BUB1B: variants seen among roughly 807,000 people sequenced by gnomAD.
BUB1B encodes BUB1 mitotic checkpoint serine/threonine kinase B.
Under a neutral mutation model 137.7 loss-of-function variants are expected in BUB1B, and 86 were observed. The observed-to-expected ratio is 0.62, with a 90% confidence interval of 0.52 to 0.75. The LOEUF (loss-of-function observed/expected upper bound fraction) is 0.75, where lower values mean the gene tolerates loss of function less well. Ranked by LOEUF, BUB1B falls within the 30% of genes least tolerant of loss-of-function variation. The pLI, the probability that BUB1B is intolerant of heterozygous loss-of-function variation, is 0.00. For missense variants in BUB1B, 1,130 were observed against 1,236.9 expected, an observed-to-expected ratio of 0.91 and a Z score of 1.30; for synonymous variants, 420 against 417.9, an observed-to-expected ratio of 1.00 and a Z score of -0.06.
At chr15:40,178,498 T>C (rs774739423) in intron 5 of BUB1B, among the ~76,000 whole-genome samples, 1 of 152,174 alleles carries the variant, frequency 6.6e-6, no homozygotes, top group Non-Finnish European at 1.5e-5. Flanking sequence ...TTTATCTTGG[T>C]GAATGCTTCA....
intron 4 of BUB1B, among the ~76,000 whole-genome samples, chr15:40,172,786 A>G (rs1361872718): frequency 6.6e-6 from 1 of 152,202 alleles, no homozygotes; most frequent in Non-Finnish European, 1.5e-5. Context: ...CATTCGACAA[A>G]TATTTTTACA....
At chr15:40,211,941 G>A (rs1174934224) in intron 18 of BUB1B, among the ~76,000 whole-genome samples, 2 of 152,092 alleles carry the variant, frequency 1.3e-5, no homozygotes, top group Non-Finnish European at 2.9e-5. Flanking sequence ...TCCTGTCTCA[G>A]CCTCCCGCGT....
In BUB1B at chr15:40,204,944, C is replaced by CT. The variant is rs11333364; in HGVS notation, c.1735-1220dup. On this transcript the variant is annotated intron_variant, in intron 14 of 22. Transcript: ENST00000287598. ...TGTGAGCAAATGTACCTGGCCAAAT[C>CT]TTTTTTTTTTTTTTTTTTTTGAGAC... Among the ~76,000 whole-genome samples, 305 of 94,758 alleles carry CT rather than the reference C, an allele frequency of 3.2e-3. 2 individuals carry two copies. Among genetic ancestry groups the CT allele is most frequent in the East Asian group, 6.9e-3 (27 of 3,894 alleles). The allele number at this position is 94,758 out of a possible 152,430, so 62.2% of individuals were successfully genotyped here.
chr15:40,162,341 A>G (rs900685501), intron 1 of BUB1B, among the ~76,000 whole-genome samples: 3 of 152,216 alleles, frequency 2.0e-5, no homozygotes, highest in Non-Finnish European at 4.4e-5. Flanking sequence ...GATTGTAAGG[A>G]CTTAGCTTTT....
chr15:40,188,957 T>C lies in BUB1B; in HGVS notation c.1058+3315T>C, dbSNP rs150125512. ...CGTGGCTTTTAGTATGTTCACAGAGTTGTGCAACCCTTACCACAATCAATT... is the reference window on the plus strand; with the variant it reads ...CGTGGCTTTTAGTATGTTCACAGAGCTGTGCAACCCTTACCACAATCAATT... On this transcript the variant is annotated intron_variant, in intron 8 of 22. Coordinates refer to ENST00000287598, the MANE Select transcript of BUB1B (RefSeq NM_001211.6). Among the ~76,000 whole-genome samples, 401 of 151,910 alleles carry C rather than the reference T, an allele frequency of 2.6e-3. 8 individuals are homozygous for C. The highest frequency in any genetic ancestry group is 0.021 in the Admixed American group (316 of 15,238).
At chr15:40,180,017 G>T (rs1190956269) in intron 5 of BUB1B, among the ~76,000 whole-genome samples, 1 of 149,914 alleles carries the variant, frequency 6.7e-6, no homozygotes, top group East Asian at 1.9e-4. Context: ...AAAATAGTCT[G>T]TTGTGTTTAC....
At chr15:40,166,403 G>C (rs745413760) in intron 2 of BUB1B, 2 of 416,200 alleles carry the variant, frequency 4.8e-6, no homozygotes, top group South Asian at 3.4e-5. Context: ...GCAGTGGCAC[G>C]ATCTTGGCTC....
chr15:40,177,040 C>T (rs184780304), intron 5 of BUB1B, among the ~76,000 whole-genome samples: 6 of 152,264 alleles, frequency 3.9e-5, no homozygotes, highest in Non-Finnish European at 5.9e-5. Context: ...TAAATGGAAT[C>T]GTATAATATA....
intron 3 of BUB1B, among the ~76,000 whole-genome samples, chr15:40,170,330 C>T (rs978147562): frequency 2.6e-5 from 4 of 152,168 alleles, no homozygotes; most frequent in Admixed American, 6.5e-5. Context: ...TTGAACTACA[C>T]CCTTCTATCC....
intron 9 of BUB1B, among the ~76,000 whole-genome samples, chr15:40,197,912 G>A (rs1412051322): frequency 1.3e-5 from 2 of 152,082 alleles, no homozygotes; most frequent in African/African-American, 4.8e-5. Flanking sequence ...AGGCTAGGAG[G>A]GTGGCCAAAT....
intron 22 of BUB1B, 58 bp downstream of exon 22, chr15:40,218,620 G>T: frequency 4.7e-6 from 6 of 1,286,348 alleles, no homozygotes; most frequent in Non-Finnish European, 6.8e-6. Context: ...TGTTTCTCTT[G>T]GGTGCTATCT....
chr15:40,188,709 A>C (rs2037399589), intron 8 of BUB1B, among the ~76,000 whole-genome samples: 1 of 150,454 alleles, frequency 6.6e-6, no homozygotes. Context: ...CAGCCACCCG[A>C]GTAGCTGGCA....
chr15:40,183,407 A>G (rs1189659867), intron 5 of BUB1B, among the ~76,000 whole-genome samples: 1 of 152,222 alleles, frequency 6.6e-6, no homozygotes, highest in African/African-American at 2.4e-5. Flanking sequence ...TAATCTTAAT[A>G]AACTCTGTGA....
chr15:40,200,491 A>C (rs1013792877), intron 11 of BUB1B, 132 bp downstream of exon 11: 1 of 679,478 alleles, frequency 1.5e-6, no homozygotes, highest in Non-Finnish European at 2.6e-6. Flanking sequence ...CTCTGTCACA[A>C]CATAAGCTTT....
At chr15:40,181,588 A>C (rs908702846) in intron 5 of BUB1B, among the ~76,000 whole-genome samples, 4 of 152,138 alleles carry the variant, frequency 2.6e-5, no homozygotes, top group African/African-American at 7.2e-5. Context: ...CTCTGCTACC[A>C]ATAATCTGTC....
intron 1 of BUB1B, among the ~76,000 whole-genome samples, chr15:40,162,773 A>T (rs2037055286): frequency 1.3e-5 from 2 of 152,220 alleles, no homozygotes; most frequent in South Asian, 4.1e-4. Context: ...GGGATATTTA[A>T]CTGAGATAGT....
At chr15:40,206,512 C>T (rs1206267920) in intron 15 of BUB1B, 54 bp downstream of exon 15, 4 of 1,604,642 alleles carry the variant, frequency 2.5e-6, no homozygotes, top group African/African-American at 1.3e-5. Flanking sequence ...TCTTATTCTG[C>T]ATGTGCTTGT....
At chr15:40,210,768 G>T (rs1397733484) in intron 18 of BUB1B, among the ~76,000 whole-genome samples, 1 of 152,212 alleles carries the variant, frequency 6.6e-6, no homozygotes, top group Non-Finnish European at 1.5e-5. Context: ...GCCTCCCAAA[G>T]AACTGGATTA....
intron 20 of BUB1B, among the ~76,000 whole-genome samples, chr15:40,216,659 A>G (rs2037796578): frequency 2.0e-5 from 3 of 149,490 alleles, no homozygotes; most frequent in Admixed American, 6.7e-5. Flanking sequence ...GCAATTATCA[A>G]TTTTAAAGTA....
Sources: gnomAD v4.1 joint callset for allele counts (sites outside exome capture counted in the v4.1 genomes callset) on GRCh38, gnomAD v4.1.1 for gene constraint, MANE v1.5 for transcripts, NCBI Gene and HGNC (gene_info 2026-07-23, HGNC 2026-07-21) for gene names.